The following GPC5 variants were observed in gnomAD, a reference collection of about 807,000 sequenced individuals.
The protein encoded by GPC5 is glypican 5, also known as glypican-5.
A neutral mutation model predicts 53.9 loss-of-function variants in GPC5; 47 were observed. The observed-to-expected ratio is 0.87, with a 90% CI of 0.69 to 1.11. The LOEUF (loss-of-function observed/expected upper bound fraction) is 1.11. Ranked by LOEUF, GPC5 falls within the 50% of genes most tolerant of loss-of-function variation. The pLI is 0.00. For missense variants in GPC5, 748 were observed against 713.1 expected, an observed-to-expected ratio of 1.05 and a Z score of -0.56; for synonymous variants, 286 against 263.3, an observed-to-expected ratio of 1.09 and a Z score of -0.84.
At chr13:92,428,148 T>C (rs577213401) in intron 7 of GPC5, among the ~76,000 whole-genome samples, 5 of 152,140 alleles carry the variant, frequency 3.3e-5, no homozygotes, top group Non-Finnish European at 7.4e-5. Context: ...ATCTTCTCTT[T>C]ATTTCTTCAT....
chr13:91,584,400 A>G (rs1207246686), intron 2 of GPC5, among the ~76,000 whole-genome samples: 3 of 152,198 alleles, frequency 2.0e-5, no homozygotes, highest in African/African-American at 7.2e-5. Flanking sequence ...AAGAGGAAAA[A>G]ATAAAACTTA....
chr13:92,233,521 G>T (rs1229035681), intron 7 of GPC5, among the ~76,000 whole-genome samples: 1 of 152,044 alleles, frequency 6.6e-6, no homozygotes, highest in Non-Finnish European at 1.5e-5. Flanking sequence ...ATCTTTGGCT[G>T]GGTCTAAGAA....
intron 2 of GPC5, among the ~76,000 whole-genome samples, chr13:91,672,143 G>C (rs1224558890): frequency 6.6e-6 from 1 of 152,260 alleles, no homozygotes; most frequent in South Asian, 2.1e-4. Flanking sequence ...AAAAACCCTA[G>C]TTGAAAACCT....
intron 6 of GPC5, among the ~76,000 whole-genome samples, chr13:91,910,102 G>A (rs1218706137): frequency 6.6e-6 from 1 of 152,148 alleles, no homozygotes; most frequent in Non-Finnish European, 1.5e-5. Context: ...TTATAGAGGA[G>A]AGCAGAAAGT....
chr13:91,457,613 G>A (rs552824278), intron 2 of GPC5, among the ~76,000 whole-genome samples: 2 of 152,230 alleles, frequency 1.3e-5, no homozygotes, highest in East Asian at 1.9e-4. Context: ...AAATGGAAGT[G>A]CGTATGTAGT....
intron 7 of GPC5, among the ~76,000 whole-genome samples, chr13:92,427,395 A>G (rs987817137): frequency 6.6e-6 from 1 of 150,922 alleles, no homozygotes; most frequent in African/African-American, 2.4e-5. Flanking sequence ...GAAGAAATGC[A>G]CAAATTCCTC....
chr13:92,264,854 GTCTC>G (rs147820719), intron 7 of GPC5, among the ~76,000 whole-genome samples: 64 of 139,532 alleles, frequency 4.6e-4, no homozygotes, highest in East Asian at 2.3e-3. Flanking sequence ...TATGTTTAGG[GTCTC>G]TCTCTCTCTC....
Position 92,251,755 on chromosome 13 carries a change from T to A in GPC5, c.1561+106766T>A, listed in dbSNP as rs566977514. ...GAATAAAGCCGGATTTTTAGGAAGC[T>A]CTGCTGAAAGAACATAGGAAAATGT... On this transcript the variant is annotated intron_variant, in intron 7 of 7. Coordinates refer to ENST00000377067, the MANE Select transcript of GPC5 (RefSeq NM_004466.6). 2.6e-3 allele frequency among the ~76,000 whole-genome samples: 392 copies of A among 152,242 alleles called. 2 individuals carry two copies. The highest frequency in any genetic ancestry group is 4.2e-3 in the Non-Finnish European group (287 of 67,996).
intron 7 of GPC5, among the ~76,000 whole-genome samples, chr13:92,857,739 T>C (rs2138851888): frequency 6.6e-6 from 1 of 152,232 alleles, no homozygotes; most frequent in South Asian, 2.1e-4. Context: ...TCATTAATCA[T>C]TCCAGAAATG....
intron 2 of GPC5, among the ~76,000 whole-genome samples, chr13:91,641,558 T>C (rs541054586): frequency 3.3e-5 from 5 of 152,314 alleles, no homozygotes; most frequent in Non-Finnish European, 7.4e-5. Flanking sequence ...CAAATCACCA[T>C]GGCACACATT....
intron 2 of GPC5, among the ~76,000 whole-genome samples, chr13:91,497,938 T>C (rs1379705409): frequency 2.0e-5 from 3 of 152,158 alleles, no homozygotes; most frequent in African/African-American, 7.2e-5. Flanking sequence ...TCCTTTGTGT[T>C]ACAAACAATC....
At chr13:91,447,006 A>T (rs1880857295) in intron 1 of GPC5, among the ~76,000 whole-genome samples, 1 of 152,188 alleles carries the variant, frequency 6.6e-6, no homozygotes, top group Non-Finnish European at 1.5e-5. Flanking sequence ...CCAGAGTGTG[A>T]TGGGAAGAGT....
chr13:92,322,059 G>T (rs2043219407), intron 7 of GPC5, among the ~76,000 whole-genome samples: 1 of 152,012 alleles, frequency 6.6e-6, no homozygotes, highest in Non-Finnish European at 1.5e-5. Context: ...GAAGTGCAAA[G>T]AAAATTAATA....
rs1314381910 is a variant in GPC5 at position 92,351,780 on chromosome 13, A to T, written c.1561+206791A>T. The stretch of plus-strand genomic sequence containing the variant: ...AAAATTGTATGAGAGAATATCAAGT[A>T]TCTAAGAATAAATATATGATGTAAA... On this transcript the variant is annotated intron_variant, in intron 7 of 7. Coordinates refer to ENST00000377067, the MANE Select transcript of GPC5 (RefSeq NM_004466.6). 3.3e-5 allele frequency among the ~76,000 whole-genome samples: 5 copies of T among 152,310 alleles called. No individual in the cohort carries two copies. The South Asian group carries it at 1.0e-3, about 32-fold the overall frequency.
At chr13:91,870,582 T>C (rs1241780780) in intron 5 of GPC5, among the ~76,000 whole-genome samples, 1 of 152,134 alleles carries the variant, frequency 6.6e-6, no homozygotes, top group East Asian at 1.9e-4. Flanking sequence ...TTACCATGAG[T>C]AAAGCACCTT....
chr13:91,485,143 T>A (rs1000077098), intron 2 of GPC5, among the ~76,000 whole-genome samples: 1 of 152,052 alleles, frequency 6.6e-6, no homozygotes, highest in Non-Finnish European at 1.5e-5. Context: ...CTGTTCTAGA[T>A]CACATATACA....
chr13:91,968,362 A>G (rs1410250842), intron 6 of GPC5, among the ~76,000 whole-genome samples: 1 of 152,194 alleles, frequency 6.6e-6, no homozygotes, highest in Non-Finnish European at 1.5e-5. Context: ...TTGTCTGAGT[A>G]TAACTCTTTA....
chr13:91,685,732 G>A (rs983066155), intron 2 of GPC5, among the ~76,000 whole-genome samples: 1 of 152,088 alleles, frequency 6.6e-6, no homozygotes, highest in Non-Finnish European at 1.5e-5. Flanking sequence ...ATGAATGAAA[G>A]AATGAATATC....
chr13:92,789,895 T>C (rs941284938), intron 7 of GPC5, among the ~76,000 whole-genome samples: 3 of 152,104 alleles, frequency 2.0e-5, no homozygotes, highest in African/African-American at 7.2e-5. Context: ...ACCTCAAAAG[T>C]AGGGAAGCCA....
Sources: gnomAD v4.1 joint callset for allele counts (sites outside exome capture counted in the v4.1 genomes callset) on GRCh38, gnomAD v4.1.1 for gene constraint, MANE v1.5 for transcripts, NCBI Gene and HGNC (gene_info 2026-07-23, HGNC 2026-07-21) for gene names.